CSMD2: variants seen among roughly 807,000 people sequenced by gnomAD.
The protein encoded by CSMD2 is CUB and Sushi multiple domains 2, also known as CUB and sushi domain-containing protein 2.
A neutral mutation model predicts 398.5 loss-of-function variants in CSMD2; 130 were observed. That is an observed-to-expected ratio of 0.33 (90% CI 0.28 to 0.38). CSMD2 has a LOEUF of 0.38. Ranked by LOEUF, CSMD2 falls within the 10% of genes least tolerant of loss-of-function variation. CSMD2 has a pLI of 1.00. For missense variants in CSMD2, 3,829 were observed against 4,764.9 expected (o/e 0.80, Z 5.78); for synonymous variants, 1,828 against 1,908.5 (o/e 0.96, Z 1.10).
intron 1 of CSMD2, among the ~76,000 whole-genome samples, chr1:34,159,652 A>C (rs1641148698): frequency 6.6e-6 from 1 of 152,232 alleles, no homozygotes; most frequent in African/African-American, 2.4e-5. Flanking sequence ...TCATCTATGA[A>C]ATGGGAATAA....
chr1:33,982,681 G>C (rs948466247), intron 3 of CSMD2, among the ~76,000 whole-genome samples: 4 of 152,212 alleles, frequency 2.6e-5, no homozygotes, highest in Non-Finnish European at 5.9e-5. Flanking sequence ...CTGCCAGTTG[G>C]TGGAGGAAAG....
At position 33,898,910 on chromosome 1, in the gene CSMD2, T is replaced by C. The variant is rs543417709; in HGVS notation, c.920+19184A>G. On this transcript the variant is annotated intron_variant, in intron 5 of 70. Coordinates refer to ENST00000373381, the MANE Select transcript of CSMD2 (RefSeq NM_001281956.2). Reference sequence around the variant, plus strand: ...ATGGAGCTTGACAGATTCCAATAATTGTGAGAGCCAAACAGACAGCAAACA... The same window carrying C: ...ATGGAGCTTGACAGATTCCAATAATCGTGAGAGCCAAACAGACAGCAAACA... 3.9e-5 allele frequency among the ~76,000 whole-genome samples: 6 copies of C among 152,214 alleles called. No individual in the cohort carries two copies. In the South Asian group the frequency reaches 1.2e-3, roughly 32 times the overall value.
intron 13 of CSMD2, among the ~76,000 whole-genome samples, chr1:33,771,931 G>A (rs1231613001): frequency 6.6e-6 from 1 of 152,154 alleles, no homozygotes; most frequent in Non-Finnish European, 1.5e-5. Context: ...CGCGACTGAA[G>A]ATTTAAGATA....
intron 3 of CSMD2, among the ~76,000 whole-genome samples, chr1:33,973,904 C>A (rs10914824): frequency 2.6e-5 from 4 of 152,064 alleles, no homozygotes; most frequent in Admixed American, 2.0e-4. Flanking sequence ...GAAGAATCAA[C>A]GGATGAATCA....
At chr1:34,114,215 C>T (rs1415956871) in intron 1 of CSMD2, among the ~76,000 whole-genome samples, 1 of 152,100 alleles carries the variant, frequency 6.6e-6, no homozygotes, top group Admixed American at 6.5e-5. Context: ...ATATATATCC[C>T]AAGGAAAGCC....
chr1:33,702,032 C>T lies in CSMD2; in HGVS notation c.3577-1359G>A, dbSNP rs1003381950. Among the ~76,000 whole-genome samples, 9 of 152,174 alleles carry T rather than the reference C, an allele frequency of 5.9e-5. No homozygotes were observed. The South Asian group carries it at 1.2e-3, about 21-fold the overall frequency. ...TCAAGCCACTGGATCCAATTTCCAACTTACAGGCAATAAATACCGAGGACA... is the reference window on the plus strand; with the variant it reads ...TCAAGCCACTGGATCCAATTTCCAATTTACAGGCAATAAATACCGAGGACA... On this transcript the variant is annotated intron_variant, in intron 22 of 70. Transcript: ENST00000373381.
intron 4 of CSMD2, among the ~76,000 whole-genome samples, chr1:33,921,516 C>T (rs1188796085): frequency 3.9e-5 from 6 of 152,176 alleles, no homozygotes; most frequent in South Asian, 2.1e-4. Context: ...GAACTGTCTT[C>T]GCCCTGGGCA....
intron 5 of CSMD2, among the ~76,000 whole-genome samples, chr1:33,903,370 C>A (rs1214771584): frequency 1.3e-5 from 2 of 150,284 alleles, no homozygotes; most frequent in African/African-American, 4.9e-5. Context: ...AAGTGACTTG[C>A]ATAATTTAAG....
chr1:33,857,637 A>G (rs1400849049), intron 5 of CSMD2, among the ~76,000 whole-genome samples: 1 of 152,080 alleles, frequency 6.6e-6, no homozygotes, highest in Non-Finnish European at 1.5e-5. Context: ...TAGAGAGATG[A>G]CAATCTCTCT....
Position 33,516,245 on chromosome 1 carries a change from G to T in CSMD2, c.*379C>A, listed in dbSNP as rs188381989. 1 of 152,140 alleles carries T rather than the reference G, an allele frequency of 6.6e-6. No individual in the cohort carries two copies. Among genetic ancestry groups the T allele is most frequent in the East Asian group, 1.9e-4 (1 of 5,148 alleles). The allele number at this position is 152,140 out of a possible 1,614,324, so 9.4% of individuals were successfully genotyped here. On this transcript the variant is annotated 3_prime_UTR_variant, in exon 71 of 71. Coordinates refer to ENST00000373381, the MANE Select transcript of CSMD2 (RefSeq NM_001281956.2). ...ATCCTTCATGCGCACTTCTAGTTTT[G>T]AAGCCTTTATGGTCTCTTCCATAGG...
In CSMD2 at chr1:33,521,444, G is replaced by A; in HGVS notation, c.10597+19C>T. 1 of 1,514,980 alleles carries A rather than the reference G, an allele frequency of 6.6e-7. No individual in the cohort carries two copies. Among genetic ancestry groups the A allele is most frequent in the Non-Finnish European group, 9.2e-7 (1 of 1,089,562 alleles). The allele number at this position is 1,514,980 out of a possible 1,614,324, so 93.8% of individuals were successfully genotyped here. Reference sequence around the variant, plus strand: ...CCACCCACCCGGGCCCACACTTCCGGGGGACAAGCACTAGTTACCCAGTCT... The same window carrying A: ...CCACCCACCCGGGCCCACACTTCCGAGGGACAAGCACTAGTTACCCAGTCT... On this transcript the variant is annotated intron_variant, in intron 68 of 70. Transcript: ENST00000373381.
At chr1:33,617,239 C>A (rs572005495) in intron 38 of CSMD2, among the ~76,000 whole-genome samples, 1 of 152,222 alleles carries the variant, frequency 6.6e-6, no homozygotes, top group East Asian at 1.9e-4. Flanking sequence ...TCCCTGATGG[C>A]CTTCAAAGGG....
intron 13 of CSMD2, among the ~76,000 whole-genome samples, chr1:33,753,428 G>A (rs1648540893): frequency 6.6e-6 from 1 of 152,216 alleles, no homozygotes; most frequent in African/African-American, 2.4e-5. Flanking sequence ...GCTGCCATAA[G>A]CCTTAGCAGC....
chr1:33,693,160 C>T (rs1645300295), intron 24 of CSMD2, 104 bp from the exon 25 acceptor site: 1 of 1,325,370 alleles, frequency 7.5e-7, no homozygotes, highest in Non-Finnish European at 1.0e-6. Flanking sequence ...CTTCCCTCTC[C>T]CATTCATTTC....
At chr1:33,848,810 GTTT>G (rs35897729) in intron 5 of CSMD2, among the ~76,000 whole-genome samples, 2 of 142,726 alleles carry the variant, frequency 1.4e-5, no homozygotes, top group South Asian at 2.2e-4. Context: ...CGTATTGTGG[GTTT>G]TTTTTTTTTT....
At chr1:33,903,334 C>CTTT (rs71676114) in intron 5 of CSMD2, among the ~76,000 whole-genome samples, 2 of 144,414 alleles carry the variant, frequency 1.4e-5, no homozygotes, top group Non-Finnish European at 3.0e-5. Context: ...GACTGCTGAG[C>CTTT]TTTTTTTTTT....
intron 65 of CSMD2, 117 bp downstream of exon 65, chr1:33,527,079 T>G: frequency 1.1e-6 from 1 of 921,870 alleles, no homozygotes; most frequent in South Asian, 1.3e-5. Context: ...GATTTATAGA[T>G]AGTTTTCATG....
At chr1:33,663,348 G>A (rs767116007) in intron 25 of CSMD2, among the ~76,000 whole-genome samples, 60 of 152,080 alleles carry the variant, frequency 3.9e-4, no homozygotes, top group Admixed American at 6.6e-4. Context: ...CTTATTATGA[G>A]CTCCATGTTG....
At chr1:33,656,247 T>C (rs894649683) in intron 27 of CSMD2, among the ~76,000 whole-genome samples, 2 of 152,148 alleles carry the variant, frequency 1.3e-5, no homozygotes, top group Admixed American at 1.3e-4. Flanking sequence ...GGGAAGTGTA[T>C]TTACCCTCAG....
Sources: allele counts gnomAD v4.1 joint callset (sites outside exome capture counted in the v4.1 genomes callset), GRCh38; gene constraint gnomAD v4.1.1; transcripts MANE v1.5; gene names NCBI Gene and HGNC (gene_info 2026-07-23, HGNC 2026-07-21).